Variants in DCC observed in about 807,000 individuals in gnomAD.
DCC encodes DCC netrin 1 receptor.
DCC carries 58 observed loss-of-function variants against 172.5 expected under a neutral mutation model. The ratio of observed to expected loss-of-function variants is 0.34; its 90% CI spans 0.27 to 0.42. The LOEUF is 0.42. DCC is among the 10% of genes least tolerant of loss of function. The pLI is 1.00. For synonymous variants in DCC, 709 were observed against 644.5 expected, an observed-to-expected ratio of 1.10 and a Z score of -1.52; for missense variants, 1,740 against 1,791.0, an observed-to-expected ratio of 0.97 and a Z score of 0.51.
At chr18:53,198,237 T>C (rs1222143030) in intron 9 of DCC, among the ~76,000 whole-genome samples, 1 of 152,126 alleles carries the variant, frequency 6.6e-6, no homozygotes, top group Non-Finnish European at 1.5e-5. Context: ...GAAGCTCAGA[T>C]ACAATGATAG....
chr18:53,174,429 C>A (rs981719270), intron 8 of DCC, among the ~76,000 whole-genome samples: 54 of 150,372 alleles, frequency 3.6e-4, no homozygotes, highest in African/African-American at 1.2e-3. Context: ...AGACCGCTAG[C>A]AAGACTAATA....
chr18:52,627,137 TCCTCAAGTAGAGCC>T (rs2034589760), intron 1 of DCC, among the ~76,000 whole-genome samples: 2 of 152,218 alleles, frequency 1.3e-5, no homozygotes, highest in African/African-American at 4.8e-5. Context: ...CAGAGAGATG[TCCTCAAGTAGAGCC>T]CCAGTTATTC....
chr18:52,481,103 A>G (rs2029940994), intron 1 of DCC, among the ~76,000 whole-genome samples: 1 of 152,350 alleles, frequency 6.6e-6, no homozygotes, highest in Middle Eastern at 3.4e-3. Flanking sequence ...CTCAGGCACA[A>G]CTAAAGAAAG....
chr18:52,910,625 GCAT>G (rs1267618906), intron 3 of DCC, among the ~76,000 whole-genome samples: 1 of 152,062 alleles, frequency 6.6e-6, no homozygotes, highest in Admixed American at 6.6e-5. Flanking sequence ...TATTCATGTC[GCAT>G]CATGTCTGAG....
chr18:53,196,297 C>T (rs1249343839), intron 9 of DCC, among the ~76,000 whole-genome samples: 2 of 152,182 alleles, frequency 1.3e-5, no homozygotes, highest in Non-Finnish European at 2.9e-5. Context: ...TTCCACCATG[C>T]AGTCCAGAAT....
At chr18:52,792,765 A>T (rs1598807329) in intron 2 of DCC, among the ~76,000 whole-genome samples, 2 of 111,860 alleles carry the variant, frequency 1.8e-5, no homozygotes, top group Middle Eastern at 4.4e-3. Flanking sequence ...ATTCTATTCC[A>T]TTCTATTCCA....
intron 25 of DCC, among the ~76,000 whole-genome samples, chr18:53,482,474 T>C (rs947400632): frequency 1.3e-5 from 2 of 152,078 alleles, no homozygotes; most frequent in Admixed American, 1.3e-4. Flanking sequence ...GTCTCTAGAG[T>C]GCTCTCAGCA....
In DCC at chr18:52,778,659, A is replaced by C. The variant is rs533877775; in HGVS notation, c.412+26285A>C. On this transcript the variant is annotated intron_variant, in intron 2 of 28. Transcript: ENST00000442544. ...TGATAATTTTGAGAGGCATAATTTG[A>C]GTAATTGCCTAGTTTTTTCTTTTTC... Among the ~76,000 whole-genome samples, 7 of 152,278 alleles carry C rather than the reference A, an allele frequency of 4.6e-5. No individual in the cohort carries two copies. The South Asian group carries it at 1.5e-3, about 32-fold the overall frequency.
chr18:52,386,579 A>C (rs1985808261), intron 1 of DCC, among the ~76,000 whole-genome samples: 1 of 152,058 alleles, frequency 6.6e-6, no homozygotes, highest in Non-Finnish European at 1.5e-5. Flanking sequence ...TATCTTGGAG[A>C]GCCTTGATTT....
intron 1 of DCC, among the ~76,000 whole-genome samples, chr18:52,553,069 C>T (rs1230851176): frequency 2.6e-5 from 4 of 151,908 alleles, no homozygotes; most frequent in Non-Finnish European, 5.9e-5. Context: ...TTAGTTCATT[C>T]CAAAACGGCA....
chr18:53,189,747 G>A (rs2055338155), intron 9 of DCC, among the ~76,000 whole-genome samples: 1 of 152,118 alleles, frequency 6.6e-6, no homozygotes, highest in African/African-American at 2.4e-5. Context: ...AACTGCTTAG[G>A]TGGCCTGAAG....
intron 7 of DCC, among the ~76,000 whole-genome samples, chr18:53,131,039 A>G (rs1244382425): frequency 1.3e-5 from 2 of 152,066 alleles, no homozygotes; most frequent in African/African-American, 2.4e-5. Context: ...CATTTAGTTC[A>G]TTTTCAAGAA....
intron 5 of DCC, among the ~76,000 whole-genome samples, chr18:53,008,294 A>T (rs886843962): frequency 6.6e-6 from 1 of 151,986 alleles, no homozygotes; most frequent in Non-Finnish European, 1.5e-5. Flanking sequence ...TTTACCATTG[A>T]TCACTAGTAT....
intron 1 of DCC, among the ~76,000 whole-genome samples, chr18:52,520,898 CA>C (rs948057346): frequency 2.0e-5 from 3 of 152,084 alleles, no homozygotes. Context: ...AACCTGTAAA[CA>C]AATTCTTTGG....
At chr18:53,001,139 C>G (rs2041559123) in intron 5 of DCC, among the ~76,000 whole-genome samples, 1 of 152,074 alleles carries the variant, frequency 6.6e-6, no homozygotes, top group Admixed American at 6.6e-5. Context: ...CAGGCTACCA[C>G]TGATTCAGAC....
intron 1 of DCC, among the ~76,000 whole-genome samples, chr18:52,342,676 A>G (rs755397584): frequency 4.1e-4 from 63 of 152,216 alleles, no homozygotes; most frequent in Non-Finnish European, 7.9e-4. Context: ...GCCTAACAGC[A>G]GCACTGCTGA....
intron 1 of DCC, among the ~76,000 whole-genome samples, chr18:52,610,166 AAAAAAAAAAAAAATATATAT>A (rs2034229661): frequency 3.2e-4 from 8 of 25,262 alleles, no homozygotes; most frequent in Admixed American, 6.5e-4. Context: ...AAAAAAAAAA[AAAAAAAAAAAAAATATATAT>A]ATATATATAT....
chr18:53,491,973 G>GTTGT (rs1471079780), intron 26 of DCC, among the ~76,000 whole-genome samples: 4 of 152,152 alleles, frequency 2.6e-5, no homozygotes, highest in Admixed American at 6.5e-5. Context: ...TCCAGCATCT[G>GTTGT]TTGTTTCCTG....
chr18:52,487,231 A>G (rs1261965107), intron 1 of DCC, among the ~76,000 whole-genome samples: 1 of 152,080 alleles, frequency 6.6e-6, no homozygotes, highest in Non-Finnish European at 1.5e-5. Context: ...TAGTATCACA[A>G]CCAGTGACTA....
Sources: allele counts gnomAD v4.1 joint callset (sites outside exome capture counted in the v4.1 genomes callset), GRCh38; gene constraint gnomAD v4.1.1; transcripts MANE v1.5; gene names NCBI Gene and HGNC (gene_info 2026-07-23, HGNC 2026-07-21).